The following CNTNAP2 variants were observed in gnomAD, a reference collection of about 807,000 sequenced individuals.
CNTNAP2 encodes the protein contactin associated protein 2.
In CNTNAP2, 98 loss-of-function variants were observed where a neutral mutation model predicts 155.2. The ratio of observed to expected loss-of-function variants is 0.63; its 90% CI spans 0.54 to 0.75. The LOEUF (loss-of-function observed/expected upper bound fraction) is 0.75, where lower values mean the gene tolerates loss of function less well. Ranked by LOEUF, CNTNAP2 falls within the 30% of genes least tolerant of loss-of-function variation. The pLI, the probability that CNTNAP2 is intolerant of heterozygous loss-of-function variation, is 0.00. For synonymous variants in CNTNAP2, 651 were observed against 631.2 expected, an observed-to-expected ratio of 1.03 and a Z score of -0.47; for missense variants, 1,727 against 1,688.1, an observed-to-expected ratio of 1.02 and a Z score of -0.40.
chr7:148,178,062 G>A (rs1167141300), intron 18 of CNTNAP2, among the ~76,000 whole-genome samples: 1 of 152,088 alleles, frequency 6.6e-6, no homozygotes, highest in African/African-American at 2.4e-5. Context: ...TACAAAATCA[G>A]GCAAGTCTAG....
chr7:148,222,631 C>T (rs949418213), intron 19 of CNTNAP2, among the ~76,000 whole-genome samples: 1 of 152,076 alleles, frequency 6.6e-6, no homozygotes, highest in Non-Finnish European at 1.5e-5. Context: ...TTAAAGGGCT[C>T]ACCTCTCAAT....
At chr7:146,593,167 A>ATT (rs1267373347) in intron 1 of CNTNAP2, among the ~76,000 whole-genome samples, 6 of 150,652 alleles carry the variant, frequency 4.0e-5, no homozygotes, top group African/African-American at 7.3e-5. Context: ...TATTATTATT[A>ATT]ATATTATTAT....
intron 12 of CNTNAP2, among the ~76,000 whole-genome samples, chr7:147,629,035 A>G (rs548422517): frequency 6.6e-6 from 1 of 152,204 alleles, no homozygotes; most frequent in South Asian, 2.1e-4. Flanking sequence ...TGGCAACACA[A>G]TAATAGTGGG....
At chr7:148,068,042 G>A (rs1384434150) in intron 15 of CNTNAP2, among the ~76,000 whole-genome samples, 1 of 152,116 alleles carries the variant, frequency 6.6e-6, no homozygotes, top group Non-Finnish European at 1.5e-5. Context: ...CCGGTGAGCA[G>A]AGCTGAGGTC....
intron 1 of CNTNAP2, among the ~76,000 whole-genome samples, chr7:146,566,733 T>TA (rs969242548): frequency 2.0e-5 from 3 of 150,554 alleles, no homozygotes; most frequent in East Asian, 2.0e-4. Flanking sequence ...AAATTAAAAT[T>TA]AAAAAAAAGG....
At chr7:147,720,055 GT>G (rs879879403) in intron 13 of CNTNAP2, among the ~76,000 whole-genome samples, 1 of 151,854 alleles carries the variant, frequency 6.6e-6, no homozygotes, top group Non-Finnish European at 1.5e-5. Flanking sequence ...TTCTCTTTCT[GT>G]TTTTTTCTTA....
intron 20 of CNTNAP2, among the ~76,000 whole-genome samples, chr7:148,247,922 G>A (rs866768503): frequency 3.9e-5 from 6 of 151,976 alleles, no homozygotes; most frequent in African/African-American, 9.7e-5. Flanking sequence ...CCAAAGTGCT[G>A]GGATTACAGG....
intron 1 of CNTNAP2, among the ~76,000 whole-genome samples, chr7:146,262,257 T>A (rs1467975923): frequency 6.6e-6 from 1 of 152,172 alleles, no homozygotes; most frequent in Non-Finnish European, 1.5e-5. Context: ...TTTTAAACCA[T>A]AATTCCTAAA....
intron 21 of CNTNAP2, among the ~76,000 whole-genome samples, chr7:148,333,717 A>G (rs1798069781): frequency 1.3e-5 from 2 of 152,200 alleles, no homozygotes; most frequent in South Asian, 2.1e-4. Context: ...TATTGACCCT[A>G]ACAGAGAAAG....
At chr7:148,153,421 A>T (rs1156957671) in intron 17 of CNTNAP2, among the ~76,000 whole-genome samples, 1 of 152,208 alleles carries the variant, frequency 6.6e-6, no homozygotes, top group Non-Finnish European at 1.5e-5. Flanking sequence ...GAAAGAAAAA[A>T]AGCACTTGCT....
rs981838633 is a variant in CNTNAP2 at position 146,440,775 on chromosome 7, A to T, written c.97+323802A>T. ...GAAGTACCCATGCCTCACTTGTGGT[A>T]ACATAAATACATAGATTCATATTTC... On this transcript the variant is annotated intron_variant, in intron 1 of 23. Transcript: ENST00000361727. Among the ~76,000 whole-genome samples, 3 of 151,692 alleles carry T rather than the reference A, an allele frequency of 2.0e-5. 1 individual carries two copies. Among genetic ancestry groups the T allele is most frequent in the African/African-American group, 7.3e-5 (3 of 40,944 alleles).
intron 8 of CNTNAP2, among the ~76,000 whole-genome samples, chr7:147,238,171 C>T (rs1242003891): frequency 1.3e-5 from 2 of 152,132 alleles, no homozygotes; most frequent in African/African-American, 4.8e-5. Context: ...CCCGCCACCA[C>T]GCCCGGCTAA....
intron 3 of CNTNAP2, among the ~76,000 whole-genome samples, chr7:146,858,743 A>G (rs1795040673): frequency 6.6e-6 from 1 of 152,190 alleles, no homozygotes; most frequent in Non-Finnish European, 1.5e-5. Context: ...CCCCATATGT[A>G]ATATCAGTTG....
intron 1 of CNTNAP2, among the ~76,000 whole-genome samples, chr7:146,770,610 T>C (rs1297276774): frequency 6.6e-5 from 10 of 152,064 alleles, no homozygotes; most frequent in African/African-American, 2.4e-4. Flanking sequence ...TAATTCTAAT[T>C]ATTGTTATTC....
chr7:148,331,342 GGA>G, intron 21 of CNTNAP2, among the ~76,000 whole-genome samples: 1 of 149,386 alleles, frequency 6.7e-6, no homozygotes, highest in South Asian at 2.1e-4. Context: ...TGGAATGGAC[GGA>G]TGGAATGGAT....
At chr7:147,123,715 G>A (rs1161766662) in intron 6 of CNTNAP2, among the ~76,000 whole-genome samples, 4 of 152,160 alleles carry the variant, frequency 2.6e-5, no homozygotes, top group Admixed American at 1.3e-4. Flanking sequence ...TTAATGGAAA[G>A]GGACTCCCTT....
intron 13 of CNTNAP2, among the ~76,000 whole-genome samples, chr7:147,859,770 A>C (rs1799106075): frequency 6.6e-6 from 1 of 152,218 alleles, no homozygotes; most frequent in Admixed American, 6.5e-5. Flanking sequence ...AATAAAATTT[A>C]CAAAAGTAAA....
chr7:146,233,464 CT>C (rs11453742), intron 1 of CNTNAP2, among the ~76,000 whole-genome samples: 7 of 149,336 alleles, frequency 4.7e-5, no homozygotes, highest in Middle Eastern at 3.5e-3. Context: ...CTCTGTGACT[CT>C]TTTTTTTTTA....
chr7:146,390,791 G>C (rs2129106532), intron 1 of CNTNAP2, among the ~76,000 whole-genome samples: 2 of 139,250 alleles, frequency 1.4e-5, no homozygotes, highest in South Asian at 4.7e-4. Flanking sequence ...TATTTTAGCT[G>C]GGTGTGGTGG....
Sources: gnomAD v4.1 joint callset for allele counts (sites outside exome capture counted in the v4.1 genomes callset) on GRCh38, gnomAD v4.1.1 for gene constraint, MANE v1.5 for transcripts, NCBI Gene and HGNC (gene_info 2026-07-23, HGNC 2026-07-21) for gene names.